IRAK1BP1: variants seen among roughly 807,000 people sequenced by gnomAD.
IRAK1BP1 encodes the protein interleukin-1 receptor-associated kinase 1-binding protein 1.
In IRAK1BP1, 24 loss-of-function variants were observed where a neutral mutation model predicts 28.0. The ratio of observed to expected loss-of-function variants is 0.86; its 90% CI spans 0.62 to 1.20. The LOEUF (loss-of-function observed/expected upper bound fraction) is 1.20, where lower values mean the gene tolerates loss of function less well. Among genes scored for constraint, IRAK1BP1 ranks in the 50% most tolerant of loss-of-function variants. IRAK1BP1 has a pLI of 0.00. For synonymous variants in IRAK1BP1, 131 were observed against 116.3 expected (o/e 1.13, Z -0.81); for missense variants, 336 against 316.7 (o/e 1.06, Z -0.46).
At chr6:78,972,703 A>G in the IRAK1BP1 span, among the ~76,000 whole-genome samples, 13 of 152,216 alleles carry the variant, frequency 8.5e-5, no homozygotes, top group Non-Finnish European at 1.6e-4. Context: ...AGAGCTGAAA[A>G]CCAAGGCTCG....
chr6:78,904,411 A>G (rs543896849), downstream of IRAK1BP1, among the ~76,000 whole-genome samples: 1 of 152,344 alleles, frequency 6.6e-6, no homozygotes, highest in South Asian at 2.1e-4. Flanking sequence ...CTTGCTGGCC[A>G]GAGAAAGTTG....
intron 4 of IRAK1BP1, among the ~76,000 whole-genome samples, chr6:78,913,644 C>CA (rs941981115): frequency 4.0e-5 from 6 of 150,260 alleles, no homozygotes; most frequent in Admixed American, 2.6e-4. Context: ...GACTCTGTCT[C>CA]AAAAAAAAAG....
chr6:78,867,793 C>T lies in IRAK1BP1; in HGVS notation c.217C>T (p.Arg73Ter). 6.2e-7 allele frequency: 1 copy of T among 1,613,624 alleles called. No homozygotes were observed. Among genetic ancestry groups the T allele is most frequent in the Non-Finnish European group, 8.5e-7 (1 of 1,179,786 alleles). ...CCCTGACCGGGCGCAGGTGGTGGTG[C>T]GAGTGAGCAGCACCAAGGAGGCGGC... is the stretch of plus-strand genomic sequence containing the variant. Reference protein sequence around the residue: ...AGPDRAQVVVRVSSTKEAAAE... With the variant: ...AGPDRAQVVV Residue 73 changes from arginine (R) to a stop codon, truncating the protein, a stop_gained, in exon 1 of 4, where the codon CGA becomes TGA. Transcript: ENST00000369940. LOFTEE classifies it high-confidence loss of function.
chr6:78,937,495 C>A (rs1773319707), intron 4 of IRAK1BP1: 1 of 151,674 alleles, frequency 6.6e-6, no homozygotes, highest in African/African-American at 2.4e-5. Flanking sequence ...ATTACTGTAT[C>A]TTATGTAATT....
chr6:78,885,417 GA>G lies in IRAK1BP1; in HGVS notation c.359del (p.Asn120MetfsTer30). On this transcript the variant is annotated frameshift_variant, in exon 2 of 4. Coordinates refer to ENST00000369940, the MANE Select transcript of IRAK1BP1 (RefSeq NM_001010844.4). LOFTEE classifies it high-confidence loss of function. ...TGTGACAAAGGATTTTAGGAGAGTGGAAAATGCTTATCACATGGAAGCAGAG... is the reference window on the plus strand; with the variant it reads ...TGTGACAAAGGATTTTAGGAGAGTGGAAATGCTTATCACATGGAAGCAGAG... ...ITVTKDFRRVENAYHMEAEVC... is the reference protein window; with the variant it reads ...ITVTKDFRRVXNAYHMEAEVC... 1.9e-6 allele frequency: 3 copies of G among 1,579,846 alleles called. No homozygotes were observed. The highest frequency in any genetic ancestry group is 1.8e-5 in the Admixed American group (1 of 56,344).
At chr6:78,883,399 A>G (rs1562080122) in intron 1 of IRAK1BP1, among the ~76,000 whole-genome samples, 1 of 152,166 alleles carries the variant, frequency 6.6e-6, no homozygotes, top group Non-Finnish European at 1.5e-5. Flanking sequence ...TGAGAATGTT[A>G]TTACTTTTTG....
intron 1 of IRAK1BP1, among the ~76,000 whole-genome samples, chr6:78,877,489 T>G (rs1434119339): frequency 6.6e-6 from 1 of 152,216 alleles, no homozygotes; most frequent in Admixed American, 6.5e-5. Context: ...CACTTCCCTT[T>G]AAAAACTACT....
chr6:78,904,760 C>A (rs1451942502), downstream of IRAK1BP1, among the ~76,000 whole-genome samples: 2 of 152,036 alleles, frequency 1.3e-5, no homozygotes, highest in Middle Eastern at 3.2e-3. Flanking sequence ...ATGAAAACTT[C>A]AAGGTATTAC....
Position 78,903,034 on chromosome 6 carries a change from T to C in IRAK1BP1, c.*4700T>C. 6.5e-7 allele frequency: 1 copy of C among 1,533,116 alleles called. No individual in the cohort carries two copies. The highest frequency in any genetic ancestry group is 8.7e-7 in the Non-Finnish European group (1 of 1,144,404). The allele number at this position is 1,533,116 out of a possible 1,614,324, so 95.0% of individuals were successfully genotyped here. On this transcript the variant is annotated 3_prime_UTR_variant, in exon 4 of 4. Coordinates refer to ENST00000369940, the MANE Select transcript of IRAK1BP1 (RefSeq NM_001010844.4). ...CTTCAACATCCCAACCAACAATTAC[T>C]CCCAGATAGCCATGTCACCTGTGAA...
intron 4 of IRAK1BP1, among the ~76,000 whole-genome samples, chr6:78,924,120 G>A (rs1297384933): frequency 6.6e-6 from 1 of 152,122 alleles, no homozygotes; most frequent in Non-Finnish European, 1.5e-5. Flanking sequence ...AAAAATCAAT[G>A]AATCCAGGAG....
intron 4 of IRAK1BP1, among the ~76,000 whole-genome samples, chr6:78,943,348 C>G (rs1415466347): frequency 2.0e-5 from 3 of 152,044 alleles, no homozygotes; most frequent in Non-Finnish European, 4.4e-5. Context: ...AATTAAAAAT[C>G]AAACAGGTTA....
intron 1 of IRAK1BP1, among the ~76,000 whole-genome samples, chr6:78,870,427 A>C (rs1770756853): frequency 6.6e-6 from 1 of 152,194 alleles, no homozygotes; most frequent in East Asian, 1.9e-4. Context: ...CTCCAGAGCC[A>C]AGACCATTTG....
chr6:78,977,616 A>C, the IRAK1BP1 span, among the ~76,000 whole-genome samples: 2 of 145,026 alleles, frequency 1.4e-5, no homozygotes, highest in African/African-American at 5.0e-5. Flanking sequence ...CTAAAAAGAC[A>C]ACCTAACCAT....
chr6:78,970,351 G>A, the IRAK1BP1 span, among the ~76,000 whole-genome samples: 1 of 151,918 alleles, frequency 6.6e-6, no homozygotes, highest in Non-Finnish European at 1.5e-5. Flanking sequence ...TAGTATGCAA[G>A]TTACAATGAA....
In IRAK1BP1 at chr6:78,867,770, C is replaced by CGG. The variant is rs747764906; in HGVS notation, c.194_195insGG (p.Asp66ValfsTer10). The CGG allele has an allele frequency of 6.2e-5, 100 of 1,614,086 alleles. No homozygotes were observed. The East Asian group carries it at 2.0e-3, about 33-fold the overall frequency. On this transcript the variant is annotated frameshift_variant, in exon 1 of 4. Transcript: ENST00000369940. LOFTEE classifies it high-confidence loss of function. ...GGCACCTCAGAAGTGTCTGCGGGCC[C>CGG]TGACCGGGCGCAGGTGGTGGTGCGA...
intron 4 of IRAK1BP1, among the ~76,000 whole-genome samples, chr6:78,918,425 T>C (rs1044337402): frequency 6.6e-6 from 1 of 151,838 alleles, no homozygotes; most frequent in Non-Finnish European, 1.5e-5. Context: ...ACAAGACCTA[T>C]CTGTCTGCTG....
the IRAK1BP1 span, chr6:78,961,877 C>T: frequency 7.7e-7 from 1 of 1,301,666 alleles, no homozygotes; most frequent in African/African-American, 1.5e-5. Flanking sequence ...AAGAATTCTG[C>T]TTGAATTAAG....
At chr6:78,967,691 T>G in the IRAK1BP1 span, among the ~76,000 whole-genome samples, 1 of 152,186 alleles carries the variant, frequency 6.6e-6, no homozygotes. Context: ...ATGAGAAAAT[T>G]ATGATGCTCA....
chr6:78,929,145 C>CT (rs1433515010), intron 4 of IRAK1BP1, among the ~76,000 whole-genome samples: 5 of 151,806 alleles, frequency 3.3e-5, no homozygotes, highest in East Asian at 1.9e-4. Flanking sequence ...AGGTGTCAGG[C>CT]TTTTTTTTAC....
Sources: allele counts gnomAD v4.1 joint callset (sites outside exome capture counted in the v4.1 genomes callset), GRCh38; gene constraint gnomAD v4.1.1; transcripts MANE v1.5; gene names NCBI Gene and HGNC (gene_info 2026-07-23, HGNC 2026-07-21).